Variants in ITGAX observed in about 807,000 individuals in gnomAD.
ITGAX encodes the protein integrin subunit alpha X.
In ITGAX, 99 loss-of-function variants were observed where a neutral mutation model predicts 140.2. That is an observed-to-expected ratio of 0.71 (90% confidence interval 0.60 to 0.83). ITGAX has a LOEUF of 0.83. Ranked by LOEUF, ITGAX falls within the 40% of genes least tolerant of loss-of-function variation. The probability of loss-of-function intolerance (pLI) is 0.00; values close to 1 mark genes in which losing one functional copy is unlikely to be tolerated. For synonymous variants in ITGAX, 631 were observed against 600.4 expected, an observed-to-expected ratio of 1.05 and a Z score of -0.75; for missense variants, 1,444 against 1,482.0, an observed-to-expected ratio of 0.97 and a Z score of 0.42.
chr16:31,379,318 T>C (rs1813330777), intron 23 of ITGAX, among the ~76,000 whole-genome samples: 1 of 152,074 alleles, frequency 6.6e-6, no homozygotes, highest in Admixed American at 6.5e-5. Context: ...GGTTTCACCA[T>C]GTTGGCCAGG....
chr16:31,380,701 G>A (rs1385558423), intron 28 of ITGAX, 77 bp downstream of exon 28: 2 of 1,564,904 alleles, frequency 1.3e-6, no homozygotes, highest in Non-Finnish European at 1.8e-6. Context: ...TGGGTGGGGG[G>A]TTTGCAAGCC....
At chr16:31,357,818 T>C in intron 5 of ITGAX, 1 of 395,658 alleles carries the variant, frequency 2.5e-6, no homozygotes, top group East Asian at 3.7e-5. Context: ...GAGCAACGTG[T>C]GTGTGTGTAC....
chr16:31,377,449 A>C (rs1281953520), intron 23 of ITGAX, among the ~76,000 whole-genome samples, 184 bp downstream of exon 23: 1 of 152,204 alleles, frequency 6.6e-6, no homozygotes, highest in African/African-American at 2.4e-5. Context: ...TGTGCCAGGC[A>C]GGGTGCTGTG....
Position 31,372,507 on chromosome 16 carries a change from T to C in ITGAX, c.2290T>C (p.Ser764Pro), listed in dbSNP as rs1255461688. Residue 764 changes from serine to proline, a missense_variant and splice_region_variant, in exon 18 of 30, where the codon TCC (serine) becomes CCC (proline). By Grantham distance (74) the Ser-to-Pro change is moderately conservative. Transcript: ENST00000268296. ...CGATGCTCAGAGATACTTCACGGCC[T>C]CCGTGAGTCCTGGCACTGGGTCTCC... Reference protein sequence around the residue: ...AADAQRYFTASLPFEKNCGAD... With the variant: ...AADAQRYFTAPLPFEKNCGAD... 5 of 1,609,794 alleles carry C rather than the reference T, an allele frequency of 3.1e-6. No homozygotes were observed. In the East Asian group the frequency reaches 1.1e-4, roughly 36 times the overall value.
chr16:31,372,718 T>C, intron 19 of ITGAX, 48 bp downstream of exon 19: 1 of 1,545,004 alleles, frequency 6.5e-7, no homozygotes, highest in South Asian at 1.1e-5. Flanking sequence ...GCCTCCTTCC[T>C]GGAATCTGGG....
At chr16:31,366,946 G>C (rs2142504366) in intron 14 of ITGAX, among the ~76,000 whole-genome samples, 2 of 152,348 alleles carry the variant, frequency 1.3e-5, no homozygotes, top group South Asian at 4.1e-4. Flanking sequence ...AAAAGTTATT[G>C]AAGGAAATTA....
Position 31,371,464 on chromosome 16 carries a change from A to T in ITGAX, c.1972A>T (p.Ile658Phe), listed in dbSNP as rs1377786110. The T allele has an allele frequency of 1.9e-5, 31 of 1,613,918 alleles. No homozygotes were observed. The Admixed American group carries it at 5.2e-4, about 27-fold the overall frequency. ...TLVQSNICLY[I>F]DKRSKNLLGS... Reference sequence around the variant, plus strand: ...GGTACAGTCCAACATCTGCCTTTACATTGACAAACGTTCTAAGAACCTGCT... The same window carrying T: ...GGTACAGTCCAACATCTGCCTTTACTTTGACAAACGTTCTAAGAACCTGCT... The change falls in exon 16 of 30, where the codon ATT (isoleucine) becomes TTT (phenylalanine). Residue 658 changes from isoleucine to phenylalanine, a missense_variant. Physicochemically the swap from Ile to Phe is conservative, Grantham distance 21. Transcript: ENST00000268296.
At chr16:31,379,406 C>A (rs900626735) in intron 23 of ITGAX, among the ~76,000 whole-genome samples, 162 bp from the exon 24 acceptor site, 2 of 152,080 alleles carry the variant, frequency 1.3e-5, no homozygotes, top group Non-Finnish European at 1.5e-5. Context: ...CCTGAGCCAC[C>A]GCGCCTGGCC....
In ITGAX at chr16:31,371,751, G is replaced by A; in HGVS notation, c.2127G>A (p.Lys709=). 6.2e-7 allele frequency: 1 copy of A among 1,614,110 alleles called. No individual in the cohort carries two copies. Among genetic ancestry groups the A allele is most frequent in the East Asian group, 2.2e-5 (1 of 44,870 alleles). The change falls in exon 17 of 30, where the codon AAG becomes AAA. Residue 709 remains lysine (K), a synonymous_variant. Coordinates refer to ENST00000268296, the MANE Select transcript of ITGAX (RefSeq NM_000887.5). The part of the protein sequence containing the change: ...SLSRVRVLGL[K]AHCENFNLLL... ...GCCGAGTCCGAGTCCTCGGGCTGAAGGCACACTGTGAAAACTTCAACCTGC... is the reference window on the plus strand; with the variant it reads ...GCCGAGTCCGAGTCCTCGGGCTGAAAGCACACTGTGAAAACTTCAACCTGC...
At chr16:31,360,836 A>T in intron 8 of ITGAX, 1 of 545,742 alleles carries the variant, frequency 1.8e-6, no homozygotes, top group Non-Finnish European at 3.2e-6. Context: ...GGATAGAAAC[A>T]CCAGCTCTCT....
chr16:31,371,085 G>C lies in ITGAX; in HGVS notation c.1712G>C (p.Arg571Pro). Residue 571 changes from arginine (R) to proline (P), a missense_variant and splice_region_variant, in exon 15 of 30, where the codon CGG becomes CCG. Physicochemically the swap from Arg to Pro is moderately radical, Grantham distance 103. Coordinates refer to ENST00000268296, the MANE Select transcript of ITGAX (RefSeq NM_000887.5). ...GPSISPSHSQRIAGSQLSSRL... is the reference protein window; with the variant it reads ...GPSISPSHSQPIAGSQLSSRL... ...TTCACCCTTCTCTCCTCTGGCCAGC[G>C]GATCGCGGGCTCCCAGCTCTCCTCC... 1.9e-6 allele frequency: 3 copies of C among 1,613,952 alleles called. No homozygotes were observed. Among genetic ancestry groups the C allele is most frequent in the Non-Finnish European group, 2.5e-6 (3 of 1,180,036 alleles).
At position 31,382,893 on chromosome 16, in the gene ITGAX, C is replaced by T. The variant is rs369268314; in HGVS notation, c.*986C>T. 5 of 181,812 alleles carry T rather than the reference C, an allele frequency of 2.8e-5. No homozygotes were observed. Among genetic ancestry groups the T allele is most frequent in the East Asian group, 3.0e-4 (2 of 6,632 alleles). The allele number at this position is 181,812 out of a possible 1,614,324, so 11.3% of individuals were successfully genotyped here. ...AAGACATGATTATTTTTTTAAAAAG[C>T]GTACTTTAAATGTTTGTGTTAATAA... is the stretch of plus-strand genomic sequence containing the variant. On this transcript the variant is annotated 3_prime_UTR_variant, in exon 30 of 30. Coordinates refer to ENST00000268296, the MANE Select transcript of ITGAX (RefSeq NM_000887.5).
intron 26 of ITGAX, 92 bp from the exon 27 acceptor site, chr16:31,380,174 A>G (rs2142532376): frequency 6.6e-7 from 1 of 1,522,494 alleles, no homozygotes; most frequent in Non-Finnish European, 9.1e-7. Flanking sequence ...TTGCATTCGG[A>G]TATGGCCGCT....
Position 31,371,067 on chromosome 16 carries a change from TTCTCTCCTC to T in ITGAX, c.1711-15_1711-7del. 1 of 1,613,736 alleles carries T rather than the reference TTCTCTCCTC, an allele frequency of 6.2e-7. No homozygotes were observed. Among genetic ancestry groups the T allele is most frequent in the African/African-American group, 1.3e-5 (1 of 75,056 alleles). ...CCCTACTTTCCATCTTGATTCACCC[TTCTCTCCTC>T]TGGCCAGCGGATCGCGGGCTCCCAG... On this transcript the variant is annotated splice_polypyrimidine_tract_variant and splice_region_variant and intron_variant, in intron 14 of 29. Coordinates refer to ENST00000268296, the MANE Select transcript of ITGAX (RefSeq NM_000887.5).
At chr16:31,356,038 C>G (rs778860502) in intron 2 of ITGAX, 40 bp downstream of exon 2, 1 of 1,441,024 alleles carries the variant, frequency 6.9e-7, no homozygotes, top group South Asian at 1.2e-5. Context: ...TCCATCCATC[C>G]TCTCCCTGCT....
rs749371070 is a variant in ITGAX, at chr16:31,380,958, C to T, written c.3338C>T (p.Ser1113Phe). 1 of 1,614,144 alleles carries T rather than the reference C, an allele frequency of 6.2e-7. No individual in the cohort carries two copies. The highest frequency in any genetic ancestry group is 1.1e-5 in the South Asian group (1 of 91,076). The change falls in exon 29 of 30, where the codon TCC becomes TTC. Residue 1113 changes from serine (S) to phenylalanine (F), a missense_variant. Transcript: ENST00000268296. Reference sequence around the variant, plus strand: ...CCCACCCCCCTCATCGTAGGCAGCTCCATTGGGGGTCTGTTGCTGCTGGCA... The same window carrying T: ...CCCACCCCCCTCATCGTAGGCAGCTTCATTGGGGGTCTGTTGCTGCTGGCA... ...HNPTPLIVGS[S>F]IGGLLLLALI...
chr16:31,362,097 T>TG lies in ITGAX; in HGVS notation c.1113dup (p.Ser372GlufsTer136), dbSNP rs889161682. 4.3e-6 allele frequency: 7 copies of TG among 1,613,970 alleles called. No homozygotes were observed. The African/African-American group carries it at 8.0e-5, about 18-fold the overall frequency. On this transcript the variant is annotated frameshift_variant, in exon 11 of 30. Coordinates refer to ENST00000268296, the MANE Select transcript of ITGAX (RefSeq NM_000887.5). LOFTEE classifies it high-confidence loss of function. ...CAGGATGGCCCCGTTCTGGGGGCTG[T>TG]GGGGAGCTTCACCTGGTCTGGAGGT...
chr16:31,382,536 A>G lies in ITGAX; in HGVS notation c.*629A>G, dbSNP rs1331426802. ...CGTGAGAAGTCCCCTTCCATCCCAG[A>G]GGGTGGGCTTCAGGGCGCACAGCAT... On this transcript the variant is annotated 3_prime_UTR_variant, in exon 30 of 30. Coordinates refer to ENST00000268296, the MANE Select transcript of ITGAX (RefSeq NM_000887.5). 2.5e-6 allele frequency: 3 copies of G among 1,183,714 alleles called. No individual in the cohort carries two copies. The highest frequency in any genetic ancestry group is 2.4e-6 in the Non-Finnish European group (2 of 825,352). 73.3% of individuals were successfully genotyped at this position (1,183,714 alleles called of 1,614,324 possible). A position where few individuals can be genotyped will look rare whatever the true frequency, so the allele number is the denominator to read the frequency against.
chr16:31,363,781 GA>G (rs762472486), intron 14 of ITGAX, among the ~76,000 whole-genome samples: 2 of 152,236 alleles, frequency 1.3e-5, no homozygotes, highest in Non-Finnish European at 1.5e-5. Context: ...GTCAGGCACA[GA>G]AAACCCATTT....
Sources: gnomAD v4.1 joint callset for allele counts (sites outside exome capture counted in the v4.1 genomes callset) on GRCh38, gnomAD v4.1.1 for gene constraint, MANE v1.5 for transcripts, NCBI Gene and HGNC (gene_info 2026-07-23, HGNC 2026-07-21) for gene names.